The following MSMB variants were observed in gnomAD, a reference collection of about 807,000 sequenced individuals.
MSMB encodes beta-microseminoprotein.
In MSMB, 10 loss-of-function variants were observed where a neutral mutation model predicts 10.5. That is an observed-to-expected ratio of 0.95 (90% CI 0.59 to 1.62). MSMB has a LOEUF of 1.62. MSMB is among the 40% of genes most tolerant of loss of function. The probability of loss-of-function intolerance (pLI) is 0.00; values close to 1 mark genes in which losing one functional copy is unlikely to be tolerated. For synonymous variants in MSMB, 43 were observed against 46.5 expected (o/e 0.93, Z 0.30); for missense variants, 126 against 137.4 (o/e 0.92, Z 0.42).
chr10:46,036,353 G>A (rs7904463), intron 3 of MSMB, among the ~76,000 whole-genome samples: 64,429 of 152,106 alleles, frequency 0.42, 15,560 homozygotes, highest in African/African-American at 0.68. Flanking sequence ...AAACAAAGGA[G>A]GTGAGGCAAT....
rs182191762 is a variant in MSMB, at chr10:46,034,547, C to T, written c.216-996G>A. ...AGACATAAAGAAATGATGATAGGGC[C>T]GGGCGCTGTGTCTCACGCCTGTAAT... is the stretch of plus-strand genomic sequence containing the variant. On this transcript the variant is annotated intron_variant, in intron 3 of 3. Coordinates refer to ENST00000582163, the MANE Select transcript of MSMB (RefSeq NM_002443.4). Among the ~76,000 whole-genome samples, 137 of 151,696 alleles carry T rather than the reference C, an allele frequency of 9.0e-4. 1 individual carries two copies. The East Asian group carries it at 0.026, about 28-fold the overall frequency.
At chr10:46,037,697 A>G (rs7076948) in intron 3 of MSMB, among the ~76,000 whole-genome samples, 70,926 of 152,044 alleles carry the variant, frequency 0.47, 18,444 homozygotes, top group African/African-American at 0.72. Context: ...AGCCACTGCT[A>G]TTTCTACAAA....
In MSMB at chr10:46,042,475, T is replaced by G. The variant is rs115088356; in HGVS notation, c.4-2384A>C. ...GTGATATGCACAAGAATGACTTACTTTGAACAATCGTTAAGGAGAACAATT... is the reference window on the plus strand; with the variant it reads ...GTGATATGCACAAGAATGACTTACTGTGAACAATCGTTAAGGAGAACAATT... On this transcript the variant is annotated intron_variant, in intron 1 of 3. Coordinates refer to ENST00000582163, the MANE Select transcript of MSMB (RefSeq NM_002443.4). 2.5e-3 allele frequency among the ~76,000 whole-genome samples: 378 copies of G among 152,312 alleles called. 2 individuals are homozygous for G. Among genetic ancestry groups the G allele is most frequent in the African/African-American group, 8.5e-3 (355 of 41,566 alleles).
intron 1 of MSMB, among the ~76,000 whole-genome samples, chr10:46,040,809 C>T (rs1309424355): frequency 6.6e-6 from 1 of 152,086 alleles, no homozygotes; most frequent in African/African-American, 2.4e-5. Context: ...AAAAAATTAG[C>T]CGGGTGTGGT....
intron 3 of MSMB, among the ~76,000 whole-genome samples, chr10:46,037,632 G>A (rs1419324458): frequency 1.3e-5 from 2 of 152,034 alleles, no homozygotes; most frequent in Middle Eastern, 3.2e-3. Flanking sequence ...ATGGTGCAAG[G>A]CACACTACAG....
At chr10:46,046,093 G>T in intron 1 of MSMB, 142 bp downstream of exon 1, 1 of 850,248 alleles carries the variant, frequency 1.2e-6, no homozygotes, top group South Asian at 1.5e-5. Flanking sequence ...TCTGCACATT[G>T]AATTGCAGGT....
At chr10:46,043,832 A>G (rs1840810285) in intron 1 of MSMB, among the ~76,000 whole-genome samples, 1 of 151,938 alleles carries the variant, frequency 6.6e-6, no homozygotes, top group East Asian at 1.9e-4. Flanking sequence ...GCACCACCAC[A>G]CCTGGCTAAT....
At chr10:46,035,629 G>C (rs1840584985) in intron 3 of MSMB, among the ~76,000 whole-genome samples, 1 of 152,170 alleles carries the variant, frequency 6.6e-6, no homozygotes, top group Non-Finnish European at 1.5e-5. Context: ...AAGTAGACTT[G>C]AGATTACCAC....
At chr10:46,043,799 T>A (rs1417026120) in intron 1 of MSMB, among the ~76,000 whole-genome samples, 1 of 152,108 alleles carries the variant, frequency 6.6e-6, no homozygotes, top group African/African-American at 2.4e-5. Flanking sequence ...CTCAGCCTCC[T>A]GAGTAGCTGG....
intron 1 of MSMB, among the ~76,000 whole-genome samples, chr10:46,041,344 CAAAAAAA>C (rs60728604): frequency 0.38 from 36,890 of 96,682 alleles, 5,602 homozygotes; most frequent in African/African-American, 0.54. Context: ...GACTCCGTCT[CAAAAAAA>C]AAAAAAAAAA....
intron 1 of MSMB, among the ~76,000 whole-genome samples, chr10:46,042,682 A>G (rs1840779620): frequency 6.6e-6 from 1 of 152,202 alleles, no homozygotes; most frequent in Admixed American, 6.5e-5. Context: ...CCAGTGGAGA[A>G]CAGTGACTCA....
At chr10:46,043,554 C>T (rs1840801252) in intron 1 of MSMB, among the ~76,000 whole-genome samples, 1 of 152,088 alleles carries the variant, frequency 6.6e-6, no homozygotes, top group Admixed American at 6.5e-5. Flanking sequence ...ATCTAGGAGC[C>T]AGTGCCTCAG....
In MSMB at chr10:46,040,380, ATTTG is replaced by A. The variant is rs375106701; in HGVS notation, c.4-293_4-290del. 5.2e-4 allele frequency among the ~76,000 whole-genome samples: 79 copies of A among 152,338 alleles called. 2 individuals are homozygous for A. In the East Asian group the frequency reaches 9.6e-3, roughly 19 times the overall value. On this transcript the variant is annotated intron_variant, in intron 1 of 3. Transcript: ENST00000582163. ...TGTTAAAAAAAATGTTGAGGAGGCCATTTGTTTGGACTGAGCTGCACTGGGCCCA... is the reference window on the plus strand; with the variant it reads ...TGTTAAAAAAAATGTTGAGGAGGCCATTTGGACTGAGCTGCACTGGGCCCA...
intron 3 of MSMB, 94 bp downstream of exon 3, chr10:46,038,871 TA>T: frequency 9.6e-7 from 1 of 1,044,778 alleles, no homozygotes; most frequent in Non-Finnish European, 1.4e-6. Context: ...AAACAAAAAC[TA>T]AACCCCTGAA....
chr10:46,037,626 T>C (rs1554927728), intron 3 of MSMB, among the ~76,000 whole-genome samples: 1 of 152,042 alleles, frequency 6.6e-6, no homozygotes, highest in African/African-American at 2.4e-5. Context: ...AGTTTTATGG[T>C]GCAAGGCACA....
At chr10:46,035,564 C>A (rs556094229) in intron 3 of MSMB, among the ~76,000 whole-genome samples, 1 of 152,272 alleles carries the variant, frequency 6.6e-6, no homozygotes, top group Admixed American at 6.5e-5. Flanking sequence ...AAGACAAACA[C>A]AGTGTGATTG....
At chr10:46,043,016 C>T (rs552368567) in intron 1 of MSMB, among the ~76,000 whole-genome samples, 2 of 152,336 alleles carry the variant, frequency 1.3e-5, no homozygotes, top group East Asian at 1.9e-4. Flanking sequence ...TGGAGTGGCA[C>T]TTGTTCTGTT....
At chr10:46,038,425 C>A (rs1291937002) in intron 3 of MSMB, among the ~76,000 whole-genome samples, 2 of 151,906 alleles carry the variant, frequency 1.3e-5, no homozygotes, top group Non-Finnish European at 2.9e-5. Context: ...GTAGCTGGGA[C>A]TACAGGCACC....
At chr10:46,035,669 T>C (rs1051835234) in intron 3 of MSMB, among the ~76,000 whole-genome samples, 12 of 152,232 alleles carry the variant, frequency 7.9e-5, no homozygotes, top group Admixed American at 2.6e-4. Context: ...TCTGAGTTAT[T>C]GTTTAATGGA....
Sources: allele counts gnomAD v4.1 joint callset (sites outside exome capture counted in the v4.1 genomes callset), GRCh38; gene constraint gnomAD v4.1.1; transcripts MANE v1.5; gene names NCBI Gene and HGNC (gene_info 2026-07-23, HGNC 2026-07-21).